The following MACROD2 variants were observed in gnomAD, a reference collection of about 807,000 sequenced individuals.
MACROD2 encodes ADP-ribose glycohydrolase MACROD2.
Under a neutral mutation model 70.4 loss-of-function variants are expected in MACROD2, and 36 were observed. That is an observed-to-expected ratio of 0.51 (90% CI 0.39 to 0.68). MACROD2 has a LOEUF of 0.68. MACROD2 is among the 30% of genes least tolerant of loss of function. MACROD2 has a pLI of 0.00. For synonymous variants in MACROD2, 172 were observed against 178.8 expected, an observed-to-expected ratio of 0.96 and a Z score of 0.30; for missense variants, 496 against 538.4, an observed-to-expected ratio of 0.92 and a Z score of 0.78.
intron 5 of MACROD2, among the ~76,000 whole-genome samples, chr20:15,136,473 T>A (rs965031374): frequency 2.6e-5 from 4 of 152,136 alleles, no homozygotes; most frequent in African/African-American, 4.8e-5. Context: ...AGGATTCCCT[T>A]TTTAATAAAT....
At chr20:15,021,048 A>G (rs2075165254) in intron 5 of MACROD2, among the ~76,000 whole-genome samples, 1 of 144,580 alleles carries the variant, frequency 6.9e-6, no homozygotes. Flanking sequence ...GTATATGCAT[A>G]CACATGTGCA....
rs1182243844 is a variant in MACROD2 at position 14,018,582 on chromosome 20, C to T, written c.163+16178C>T. Among the ~76,000 whole-genome samples the T allele has an allele frequency of 2.0e-5, 3 of 152,094 alleles. No homozygotes were observed. The East Asian group carries it at 5.8e-4, about 29-fold the overall frequency. ...ATTTTTATCTCTTAAGTTATTTCTT[C>T]TTTCAGCTAAATTCTGCTTTTGAAC... On this transcript the variant is annotated intron_variant, in intron 2 of 17. Transcript: ENST00000684519.
chr20:15,012,279 G>A (rs2075088594), intron 5 of MACROD2, among the ~76,000 whole-genome samples: 1 of 152,138 alleles, frequency 6.6e-6, no homozygotes, highest in South Asian at 2.1e-4. Flanking sequence ...CTGAAGTTTT[G>A]CATCAAATCA....
At chr20:15,854,511 G>T (rs777163449) in intron 8 of MACROD2, among the ~76,000 whole-genome samples, 2 of 152,216 alleles carry the variant, frequency 1.3e-5, no homozygotes, top group African/African-American at 2.4e-5. Context: ...TTTGATTGCA[G>T]CTTTTGAGAC....
intron 10 of MACROD2, among the ~76,000 whole-genome samples, chr20:15,924,005 T>A (rs1601142534): frequency 6.6e-6 from 1 of 152,348 alleles, no homozygotes; most frequent in Admixed American, 6.5e-5. Flanking sequence ...GGGGTGGTTG[T>A]TGAGTTTTAT....
At chr20:15,282,974 G>A (rs1410481655) in intron 6 of MACROD2, among the ~76,000 whole-genome samples, 4 of 152,126 alleles carry the variant, frequency 2.6e-5, no homozygotes, top group Non-Finnish European at 5.9e-5. Context: ...TACAATCATG[G>A]TAGCAAAGAA....
chr20:14,978,765 C>G (rs1568909193), intron 5 of MACROD2, among the ~76,000 whole-genome samples: 1 of 150,284 alleles, frequency 6.7e-6, no homozygotes, highest in African/African-American at 2.5e-5. Flanking sequence ...CGAGAGAAAA[C>G]ATTGCAGCTC....
chr20:14,706,571 T>C (rs374980574), intron 5 of MACROD2, among the ~76,000 whole-genome samples: 28 of 152,268 alleles, frequency 1.8e-4, no homozygotes, highest in African/African-American at 6.3e-4. Flanking sequence ...TATTTATCAT[T>C]TGTTGAACCT....
At chr20:14,417,861 C>A (rs1181004043) in intron 3 of MACROD2, among the ~76,000 whole-genome samples, 2 of 152,124 alleles carry the variant, frequency 1.3e-5, no homozygotes, top group Non-Finnish European at 2.9e-5. Context: ...TTAAAAAATA[C>A]ATTGTATGGT....
chr20:16,004,593 GCT>G (rs2066761495), intron 15 of MACROD2, among the ~76,000 whole-genome samples: 1 of 152,234 alleles, frequency 6.6e-6, no homozygotes, highest in African/African-American at 2.4e-5. Context: ...CTTATCAGCA[GCT>G]CTCTCACACT....
chr20:15,245,311 G>T (rs977517198), intron 6 of MACROD2, among the ~76,000 whole-genome samples: 2 of 152,128 alleles, frequency 1.3e-5, no homozygotes, highest in Non-Finnish European at 2.9e-5. Flanking sequence ...TCTATTGCTT[G>T]AAATGAGAAA....
chr20:14,964,821 C>A (rs1182654309), intron 5 of MACROD2, among the ~76,000 whole-genome samples: 1 of 152,162 alleles, frequency 6.6e-6, no homozygotes, highest in Non-Finnish European at 1.5e-5. Context: ...GAAGCCCAGG[C>A]AGCTGGTTTG....
At chr20:14,757,483 C>T in intron 5 of MACROD2, 1 of 520,194 alleles carries the variant, frequency 1.9e-6, no homozygotes, top group Non-Finnish European at 3.5e-6. Flanking sequence ...CTTAGGTAGG[C>T]ATTAAAGAAA....
intron 3 of MACROD2, among the ~76,000 whole-genome samples, chr20:14,440,466 T>A (rs1220048318): frequency 6.6e-6 from 1 of 152,146 alleles, no homozygotes; most frequent in Non-Finnish European, 1.5e-5. Flanking sequence ...AGTTTGGACA[T>A]CCCTGAAGAA....
chr20:14,933,260 TTA>T (rs1168900677), intron 5 of MACROD2, among the ~76,000 whole-genome samples: 1 of 152,182 alleles, frequency 6.6e-6, no homozygotes, highest in Non-Finnish European at 1.5e-5. Context: ...CACACTATCA[TTA>T]TCTGTGACAA....
At chr20:15,463,595 CA>C (rs2046847048) in intron 7 of MACROD2, among the ~76,000 whole-genome samples, 1 of 151,954 alleles carries the variant, frequency 6.6e-6, no homozygotes, top group Non-Finnish European at 1.5e-5. Flanking sequence ...ACTAAAAATG[CA>C]AAACTAGCTG....
intron 5 of MACROD2, among the ~76,000 whole-genome samples, chr20:15,091,965 G>C (rs2075796084): frequency 6.6e-6 from 1 of 152,004 alleles, no homozygotes; most frequent in Non-Finnish European, 1.5e-5. Context: ...TGAGTTCTTT[G>C]TAAGTGAACG....
intron 12 of MACROD2, among the ~76,000 whole-genome samples, chr20:15,943,706 G>C (rs920504301): frequency 6.6e-6 from 1 of 152,080 alleles, no homozygotes; most frequent in Admixed American, 6.6e-5. Flanking sequence ...TGTGGGAAGT[G>C]AGGATAAGAA....
At chr20:14,783,104 T>G (rs2072322128) in intron 5 of MACROD2, among the ~76,000 whole-genome samples, 1 of 152,150 alleles carries the variant, frequency 6.6e-6, no homozygotes, top group South Asian at 2.1e-4. Flanking sequence ...TGTCAAATGA[T>G]TCAACACTAC....
Sources: allele counts gnomAD v4.1 joint callset (sites outside exome capture counted in the v4.1 genomes callset), GRCh38; gene constraint gnomAD v4.1.1; transcripts MANE v1.5; gene names NCBI Gene and HGNC (gene_info 2026-07-23, HGNC 2026-07-21).